The following MYO19 variants were observed in gnomAD, a reference collection of about 807,000 sequenced individuals.
The protein encoded by MYO19 is myosin XIX, also known as unconventional myosin-XIX.
MYO19 carries 132 observed loss-of-function variants against 129.2 expected under a neutral mutation model. The ratio of observed to expected loss-of-function variants is 1.02; its 90% CI spans 0.89 to 1.18. The LOEUF is 1.18. MYO19 is among the 50% of genes most tolerant of loss of function. MYO19 has a pLI of 0.00. For synonymous variants in MYO19, 531 were observed against 477.2 expected, an observed-to-expected ratio of 1.11 and a Z score of -1.47; for missense variants, 1,210 against 1,216.7, an observed-to-expected ratio of 0.99 and a Z score of 0.08.
chr17:36,536,395 A>G (rs2074123875), upstream of MYO19, among the ~76,000 whole-genome samples: 1 of 152,164 alleles, frequency 6.6e-6, no homozygotes, highest in African/African-American at 2.4e-5. Flanking sequence ...AGTAAATCCT[A>G]TTCAATTTGC....
intron 13 of MYO19, among the ~76,000 whole-genome samples, chr17:36,510,198 G>A (rs1209462547): frequency 6.6e-6 from 1 of 152,232 alleles, no homozygotes; most frequent in Non-Finnish European, 1.5e-5. Flanking sequence ...CAAGGTGAGA[G>A]ATCATCCTTA....
At position 36,505,901 on chromosome 17, in the gene MYO19, T is replaced by A. The variant is rs554684025; in HGVS notation, c.1798-497A>T. Among the ~76,000 whole-genome samples, 25 of 152,250 alleles carry A rather than the reference T, an allele frequency of 1.6e-4. No individual in the cohort carries two copies. The East Asian group carries it at 3.5e-3, about 21-fold the overall frequency. Reference sequence around the variant, plus strand: ...TGTTTGAGGCTGGGTAGGAAGGTGCTAATCAAACCTGGTTTTCCAGGTGCC... The same window carrying A: ...TGTTTGAGGCTGGGTAGGAAGGTGCAAATCAAACCTGGTTTTCCAGGTGCC... On this transcript the variant is annotated intron_variant, in intron 18 of 25. Coordinates refer to ENST00000614623, the MANE Select transcript of MYO19 (RefSeq NM_001163735.2).
intron 11 of MYO19, among the ~76,000 whole-genome samples, chr17:36,512,211 AC>A (rs2072387763): frequency 6.7e-6 from 1 of 149,344 alleles, no homozygotes; most frequent in African/African-American, 2.5e-5. Context: ...ACACACACAC[AC>A]ACACACACAC....
intron 23 of MYO19, chr17:36,499,793 T>G (rs2071375869): frequency 1.4e-5 from 2 of 147,820 alleles, no homozygotes; most frequent in African/African-American, 2.5e-5. Context: ...AGCAATCCTC[T>G]TGCCTCAGCC....
chr17:36,506,775 G>C (rs948424907), intron 17 of MYO19, 167 bp from the exon 18 acceptor site: 8 of 1,077,292 alleles, frequency 7.4e-6, no homozygotes, highest in Non-Finnish European at 1.0e-5. Context: ...GTCTAACATG[G>C]GTTATCTCCA....
chr17:36,508,642 G>A (rs973364554), intron 14 of MYO19: 1 of 188,200 alleles, frequency 5.3e-6, no homozygotes, highest in African/African-American at 2.4e-5. Flanking sequence ...TATTGCCCAG[G>A]CTGGTCTCCA....
At chr17:36,499,343 C>T in intron 23 of MYO19, 183 bp from the exon 24 acceptor site, 1 of 440,366 alleles carries the variant, frequency 2.3e-6, no homozygotes, top group Non-Finnish European at 4.3e-6. Context: ...TTTAAACATT[C>T]CTTACACTGC....
chr17:36,496,158 C>T lies in MYO19; in HGVS notation c.*93G>A. 6.7e-7 allele frequency: 1 copy of T among 1,501,710 alleles called. No homozygotes were observed. The highest frequency in any genetic ancestry group is 9.1e-7 in the Non-Finnish European group (1 of 1,095,278). The allele number at this position is 1,501,710 out of a possible 1,614,324, so 93.0% of individuals were successfully genotyped here. On this transcript the variant is annotated 3_prime_UTR_variant, in exon 26 of 26. Coordinates refer to ENST00000614623, the MANE Select transcript of MYO19 (RefSeq NM_001163735.2). ...CTGTTGTTCATGTGCATTTGGAGCA[C>T]TGTGGGAATAGTCTGGCAGCTGTGT...
chr17:36,513,358 A>C (rs752895617), intron 11 of MYO19, 71 bp downstream of exon 11: 11 of 1,612,804 alleles, frequency 6.8e-6, no homozygotes, highest in Non-Finnish European at 8.5e-6. Context: ...CTCCAAGTCC[A>C]GGGAAAAGCT....
chr17:36,527,454 T>C (rs865834920), intron 5 of MYO19, 97 bp downstream of exon 5: 30 of 1,375,464 alleles, frequency 2.2e-5, no homozygotes, highest in South Asian at 1.8e-4. Context: ...AATGACCACA[T>C]TGCTGGTGAA....
At chr17:36,496,520 TGGG>T in intron 25 of MYO19, 114 bp from the exon 26 acceptor site, 2 of 941,658 alleles carry the variant, frequency 2.1e-6, no homozygotes, top group East Asian at 5.2e-5. Flanking sequence ...GTACTAGTAT[TGGG>T]GGCCACAGCA....
chr17:36,534,328 C>G (rs756995618), intron 1 of MYO19: 1 of 152,268 alleles, frequency 6.6e-6, no homozygotes, highest in Admixed American at 6.5e-5. Context: ...CGTCGTGCCG[C>G]AAACCCAGGG....
chr17:36,532,647 G>T lies in MYO19; in HGVS notation c.-109C>A. 7.6e-7 allele frequency: 1 copy of T among 1,322,196 alleles called. No homozygotes were observed. Among genetic ancestry groups the T allele is most frequent in the Non-Finnish European group, 1.1e-6 (1 of 940,234 alleles). The allele number at this position is 1,322,196 out of a possible 1,614,324, so 81.9% of individuals were successfully genotyped here. On this transcript the variant is annotated 5_prime_UTR_variant, in exon 3 of 26. The change creates a new upstream start codon in the 5' untranslated region. Coordinates refer to ENST00000614623, the MANE Select transcript of MYO19 (RefSeq NM_001163735.2). Reference sequence around the variant, plus strand: ...GGGTATGGTTCCAACAAAGGGCTCAGTTCTGGAGGAATCTCAGACAAGTCA... The same window carrying T: ...GGGTATGGTTCCAACAAAGGGCTCATTTCTGGAGGAATCTCAGACAAGTCA...
Position 36,534,768 on chromosome 17 carries a change from A to G in MYO19, c.-303T>C. On this transcript the variant is annotated 5_prime_UTR_variant, in exon 1 of 26. Transcript: ENST00000614623. ...GTTCGGGTTGACACTCACCGGTCCC[A>G]CGGCCCGAGCCGCCGTGCTTCAGGC... 6.6e-6 allele frequency: 1 copy of G among 152,212 alleles called. No homozygotes were observed. Among genetic ancestry groups the G allele is most frequent in the East Asian group, 1.9e-4 (1 of 5,162 alleles). 9.4% of individuals were successfully genotyped at this position (152,212 alleles called of 1,614,324 possible).
chr17:36,534,559 GT>G (rs2074019541), intron 1 of MYO19: 1 of 152,312 alleles, frequency 6.6e-6, no homozygotes, highest in African/African-American at 2.4e-5. Flanking sequence ...AGAAAGACTT[GT>G]TTCAAGCAAG....
At chr17:36,510,238 C>T (rs773329989) in intron 13 of MYO19, among the ~76,000 whole-genome samples, 15 of 152,206 alleles carry the variant, frequency 9.9e-5, no homozygotes, top group Non-Finnish European at 1.0e-4. Flanking sequence ...GAGGTACCCA[C>T]GTAATCTACC....
chr17:36,498,347 G>C lies in MYO19; in HGVS notation c.2676C>G (p.Leu892=). The part of the protein sequence containing the change: ...RKLVVWACLQ[L]PRGSPSSYTV... The stretch of plus-strand genomic sequence containing the variant: ...TGTAGCTACTGGGGCTGCCCCTGGG[G>C]AGCTGGAGGCAAGCCCAGACCACTA... Residue 892 remains leucine, a synonymous_variant, in exon 25 of 26, where the codon CTC becomes CTG. Transcript: ENST00000614623. The C allele has an allele frequency of 1.9e-6, 3 of 1,614,026 alleles. No homozygotes were observed. Among genetic ancestry groups the C allele is most frequent in the Non-Finnish European group, 2.5e-6 (3 of 1,179,900 alleles).
At chr17:36,502,242 G>A (rs1035792870) in intron 21 of MYO19, among the ~76,000 whole-genome samples, 1 of 152,054 alleles carries the variant, frequency 6.6e-6, no homozygotes, top group Admixed American at 6.5e-5. Context: ...TCTGCATGCC[G>A]ACAACCCCCA....
intron 21 of MYO19, 28 bp from the exon 22 acceptor site, chr17:36,501,263 G>A (rs2071508174): frequency 6.3e-7 from 1 of 1,592,838 alleles, no homozygotes; most frequent in Non-Finnish European, 8.6e-7. Flanking sequence ...CCCCATCAGT[G>A]CATGGTCATC....
Sources: gnomAD v4.1 joint callset for allele counts (sites outside exome capture counted in the v4.1 genomes callset) on GRCh38, gnomAD v4.1.1 for gene constraint, MANE v1.5 for transcripts, NCBI Gene and HGNC (gene_info 2026-07-23, HGNC 2026-07-21) for gene names.